ALMS1: variants seen among roughly 807,000 people sequenced by gnomAD.
ALMS1 encodes the protein ALMS1 centrosome and basal body associated protein, also known as centrosome-associated protein ALMS1.
Under a neutral mutation model 352.2 loss-of-function variants are expected in ALMS1, and 271 were observed. The ratio of observed to expected loss-of-function variants is 0.77; its 90% CI spans 0.70 to 0.85. The LOEUF is 0.85. Ranked by LOEUF, ALMS1 falls within the 40% of genes least tolerant of loss-of-function variation. The pLI is 0.00. For missense variants in ALMS1, 5,445 were observed against 4,870.7 expected, an observed-to-expected ratio of 1.12 and a Z score of -3.51; for synonymous variants, 1,865 against 1,761.2, an observed-to-expected ratio of 1.06 and a Z score of -1.48.
At chr2:73,556,136 G>A (rs1674537718) in intron 13 of ALMS1, among the ~76,000 whole-genome samples, 1 of 152,054 alleles carries the variant, frequency 6.6e-6, no homozygotes, top group Admixed American at 6.6e-5. Context: ...AAATACTTGG[G>A]TGTTCATTTT....
At chr2:73,409,888 C>T (rs371323713) in intron 2 of ALMS1, among the ~76,000 whole-genome samples, 1 of 152,122 alleles carries the variant, frequency 6.6e-6, no homozygotes, top group African/African-American at 2.4e-5. Context: ...GGCTTGAGAA[C>T]CAGGAGCACC....
intron 12 of ALMS1, among the ~76,000 whole-genome samples, chr2:73,545,539 A>G (rs1017925661): frequency 1.3e-5 from 2 of 152,236 alleles, no homozygotes; most frequent in African/African-American, 2.4e-5. Context: ...GTTACCAAAA[A>G]TCTTAATTGA....
intron 16 of ALMS1, among the ~76,000 whole-genome samples, chr2:73,581,512 T>C (rs1449731458): frequency 6.6e-6 from 1 of 152,248 alleles, no homozygotes; most frequent in African/African-American, 2.4e-5. Context: ...AAAGTTCTTC[T>C]ACCTTGTGCT....
rs1395713876 is a variant in ALMS1, at chr2:73,408,725, A to G, written c.428A>G (p.Gln143Arg). ...GTGGTCTGTTTGGAAACAACAGCTC[A>G]GCGGGGTTCTGGGGATGATCAGGTA... is the stretch of plus-strand genomic sequence containing the variant. ...TNVVCLETTAQRGSGDDQKTE... is the reference protein window; with the variant it reads ...TNVVCLETTARRGSGDDQKTE... The change falls in exon 2 of 23, where the codon CAG (glutamine) becomes CGG (arginine). Residue 143 changes from glutamine to arginine, a missense_variant. Gln to Arg is a conservative substitution (Grantham distance 43). Transcript: ENST00000613296. The G allele has an allele frequency of 6.2e-7, 1 of 1,613,396 alleles. No individual in the cohort carries two copies. The highest frequency in any genetic ancestry group is 8.5e-7 in the Non-Finnish European group (1 of 1,179,708).
rs1372318950 is a variant in ALMS1 at position 73,608,517 on chromosome 2, AGAG to A, written c.12406_12408del (p.Glu4136del). 6.2e-7 allele frequency: 1 copy of A among 1,614,116 alleles called. No individual in the cohort carries two copies. Among genetic ancestry groups the A allele is most frequent in the Non-Finnish European group, 8.5e-7 (1 of 1,179,984 alleles). On this transcript the variant is annotated inframe_deletion, in exon 22 of 23. Transcript: ENST00000613296. ...CAGAAGTACAGAAAAAGAGAGAAGA[AGAG>A]AAGAGAAAATCAGAATATAAGTCAT...
chr2:73,463,646 A>G (rs1432295511), intron 9 of ALMS1, among the ~76,000 whole-genome samples: 2 of 125,914 alleles, frequency 1.6e-5, no homozygotes, highest in Admixed American at 1.8e-4. Context: ...CCCTTCAAAA[A>G]ATTAATGAAT....
In ALMS1 at chr2:73,386,293, A is replaced by G. The variant is rs1037776062; in HGVS notation, c.324+101A>G. 5.7e-6 allele frequency: 8 copies of G among 1,400,996 alleles called. No homozygotes were observed. The Admixed American group carries it at 1.8e-4, about 31-fold the overall frequency. The allele number at this position is 1,400,996 out of a possible 1,614,324, so 86.8% of individuals were successfully genotyped here. A position where few individuals can be genotyped will look rare whatever the true frequency, so the allele number is the denominator to read the frequency against. ...CCGCAGGTCACGCCGCCTGACGGAG[A>G]AAACGCGCGCAGCTGAGGCTAGTAG... On this transcript the variant is annotated intron_variant, in intron 1 of 22. Coordinates refer to ENST00000613296, the MANE Select transcript of ALMS1 (RefSeq NM_001378454.1).
At chr2:73,542,110 A>C (rs933560213) in intron 12 of ALMS1, among the ~76,000 whole-genome samples, 3 of 152,202 alleles carry the variant, frequency 2.0e-5, no homozygotes, top group Admixed American at 6.5e-5. Context: ...ATTGATGCAA[A>C]AATCCTCAAT....
chr2:73,526,033 C>T (rs185690055), intron 11 of ALMS1, among the ~76,000 whole-genome samples: 32 of 152,070 alleles, frequency 2.1e-4, no homozygotes, highest in African/African-American at 6.5e-4. Context: ...TTGAAGAGAC[C>T]GTCTTTTTCC....
chr2:73,391,128 C>G (rs1336074927), intron 1 of ALMS1, among the ~76,000 whole-genome samples: 4 of 151,774 alleles, frequency 2.6e-5, no homozygotes, highest in Admixed American at 6.6e-5. Flanking sequence ...TCCCCATCTT[C>G]CCTCTTAACT....
At chr2:73,461,924 G>C (rs1483912767) in intron 9 of ALMS1, among the ~76,000 whole-genome samples, 1 of 151,972 alleles carries the variant, frequency 6.6e-6, no homozygotes, top group Non-Finnish European at 1.5e-5. Flanking sequence ...AAAAAGAAAC[G>C]AACAAAGCCT....
At chr2:73,557,789 C>G (rs1312647010) in intron 14 of ALMS1, among the ~76,000 whole-genome samples, 1 of 152,140 alleles carries the variant, frequency 6.6e-6, no homozygotes, top group Non-Finnish European at 1.5e-5. Context: ...TTAAATAACC[C>G]TAATAGTGTA....
Position 73,453,968 on chromosome 2 carries a change from G to A in ALMS1, c.7441G>A (p.Ala2481Thr), listed in dbSNP as rs760068474. ...GGGSSVDSLA[A>T]HVKNLLQCES... ...TGGTAGCAGTGTAGATTCACTGGCT[G>A]CACATGTGAAAAACCTTCTGCAATG... Residue 2481 changes from alanine (A) to threonine (T), a missense_variant, in exon 8 of 23, where the codon GCA becomes ACA. Coordinates refer to ENST00000613296, the MANE Select transcript of ALMS1 (RefSeq NM_001378454.1). 9.3e-6 allele frequency: 15 copies of A among 1,613,588 alleles called. No individual in the cohort carries two copies. In the Admixed American group the frequency reaches 1.2e-4, roughly 13 times the overall value.
At chr2:73,564,403 C>A (rs1294191853) in intron 15 of ALMS1, among the ~76,000 whole-genome samples, 4 of 144,414 alleles carry the variant, frequency 2.8e-5, no homozygotes, top group African/African-American at 1.0e-4. Flanking sequence ...GAGGCAGAGG[C>A]GACAGTGAGC....
At chr2:73,432,088 A>G (rs917081925) in intron 6 of ALMS1, 110 bp from the exon 7 acceptor site, 1 of 779,588 alleles carries the variant, frequency 1.3e-6, no homozygotes, top group Non-Finnish European at 2.2e-6. Context: ...TTAGCAGATG[A>G]GGTTTGAAAT....
intron 9 of ALMS1, among the ~76,000 whole-genome samples, chr2:73,483,687 A>G (rs978332443): frequency 1.3e-5 from 2 of 150,936 alleles, no homozygotes; most frequent in African/African-American, 4.9e-5. Context: ...AAAGTCTCCC[A>G]TGATTAATGT....
chr2:73,429,172 C>G (rs1290589741), intron 6 of ALMS1, among the ~76,000 whole-genome samples: 2 of 151,930 alleles, frequency 1.3e-5, no homozygotes, highest in Admixed American at 6.6e-5. Flanking sequence ...TAGTTCTCTT[C>G]ACTTTGCTGA....
At chr2:73,424,937 C>A in intron 5 of ALMS1, 35 bp downstream of exon 5, 1 of 1,508,236 alleles carries the variant, frequency 6.6e-7, no homozygotes, top group Non-Finnish European at 9.0e-7. Flanking sequence ...ATTCATCTGA[C>A]ACAATTGATA....
intron 22 of ALMS1, 122 bp downstream of exon 22, chr2:73,608,696 G>C: frequency 1.3e-6 from 1 of 781,608 alleles, no homozygotes; most frequent in Non-Finnish European, 2.2e-6. Flanking sequence ...AATGAACTTA[G>C]AATGCACTGG....
Sources: allele counts gnomAD v4.1 joint callset (sites outside exome capture counted in the v4.1 genomes callset), GRCh38; gene constraint gnomAD v4.1.1; transcripts MANE v1.5; gene names NCBI Gene and HGNC (gene_info 2026-07-23, HGNC 2026-07-21).